The following CUX1 variants were observed in gnomAD, a reference collection of about 807,000 sequenced individuals.
The protein encoded by CUX1 is protein CASP.
Under a neutral mutation model 158.8 loss-of-function variants are expected in CUX1, and 31 were observed. The ratio of observed to expected loss-of-function variants is 0.20; its 90% CI spans 0.15 to 0.26. CUX1 has a LOEUF of 0.26. Ranked by LOEUF, CUX1 falls within the 10% of genes least tolerant of loss-of-function variation. The probability of loss-of-function intolerance (pLI) is 1.00; values close to 1 mark genes in which losing one functional copy is unlikely to be tolerated. For missense variants in CUX1, 1,589 were observed against 2,014.6 expected (o/e 0.79, Z 4.04); for synonymous variants, 879 against 862.1 (o/e 1.02, Z -0.34).
At chr7:102,106,372 G>A (rs553090553) in intron 6 of CUX1, among the ~76,000 whole-genome samples, 1 of 152,290 alleles carries the variant, frequency 6.6e-6, no homozygotes, top group South Asian at 2.1e-4. Flanking sequence ...ACAGGCGTGA[G>A]CCACCGCACC....
At chr7:102,099,411 A>C (rs1554485555) in intron 5 of CUX1, among the ~76,000 whole-genome samples, 1 of 151,842 alleles carries the variant, frequency 6.6e-6, no homozygotes, top group Non-Finnish European at 1.5e-5. Context: ...TTGCAGTAAA[A>C]GGTAACCTGC....
chr7:102,060,396 CTT>C (rs892814408), intron 3 of CUX1, among the ~76,000 whole-genome samples: 18 of 151,828 alleles, frequency 1.2e-4, no homozygotes, highest in Non-Finnish European at 2.4e-4. Context: ...AAGGTGCTGA[CTT>C]TGGATTTATT....
intron 9 of CUX1, among the ~76,000 whole-genome samples, chr7:102,168,908 C>CT (rs1563341626): frequency 1.6e-5 from 2 of 122,000 alleles, no homozygotes; most frequent in African/African-American, 3.5e-5. Flanking sequence ...CTTTTCTTTT[C>CT]TTTTATTTTC....
At chr7:102,233,989 CT>C in intron 21 of CUX1, 62 bp from the exon 22 acceptor site, 1 of 1,318,838 alleles carries the variant, frequency 7.6e-7, no homozygotes, top group Non-Finnish European at 1.0e-6. Context: ...TTGACACGTA[CT>C]TGTCCCTTCA....
Position 102,201,742 on chromosome 7 carries a change from C to T in CUX1, c.2445C>T (p.Gly815=), listed in dbSNP as rs1159042907. ...TGAGACAGGTGAAAAATGAGGTGGG[C>T]CGCAGCGGTGCCTGGAAGGACCACT... is the stretch of plus-strand genomic sequence containing the variant. ...GVLRQVKNEV[G]RSGAWKDHWW... Residue 815 remains glycine, a synonymous_variant, in exon 18 of 24, where the codon GGC becomes GGT. Transcript: ENST00000292535. The surrounding 1 kb of genome is among the most constrained non-coding windows in gnomAD (Gnocchi z 5.0). 2 of 1,612,436 alleles carry T rather than the reference C, an allele frequency of 1.2e-6. No homozygotes were observed. Among genetic ancestry groups the T allele is most frequent in the Non-Finnish European group, 1.7e-6 (2 of 1,179,938 alleles).
chr7:101,840,516 T>A (rs1439511738), intron 1 of CUX1, among the ~76,000 whole-genome samples: 1 of 152,230 alleles, frequency 6.6e-6, no homozygotes, highest in East Asian at 1.9e-4. Context: ...CTTTAGTTTA[T>A]GAATGTGGTA....
At chr7:102,230,903 C>T (rs1330764839) in intron 21 of CUX1, among the ~76,000 whole-genome samples, 2 of 152,140 alleles carry the variant, frequency 1.3e-5, no homozygotes, top group African/African-American at 4.8e-5. Flanking sequence ...CTCTGTTGCC[C>T]AGGCCGGAGT....
At chr7:102,114,182 G>A (rs1336544178) in intron 7 of CUX1, among the ~76,000 whole-genome samples, 3 of 152,210 alleles carry the variant, frequency 2.0e-5, no homozygotes, top group African/African-American at 7.2e-5. Context: ...TCCCATTTAT[G>A]GGGGTAGAAA....
At chr7:102,036,571 G>A (rs935414602) in intron 3 of CUX1, among the ~76,000 whole-genome samples, 6 of 151,704 alleles carry the variant, frequency 4.0e-5, no homozygotes, top group African/African-American at 7.3e-5. Context: ...GTGAAACTTC[G>A]TCTCTACTAA....
At chr7:101,860,689 GTCCTT>G (rs879283294) in intron 1 of CUX1, among the ~76,000 whole-genome samples, 36 of 151,436 alleles carry the variant, frequency 2.4e-4, no homozygotes, top group South Asian at 1.3e-3. Flanking sequence ...GTCCTGTCCT[GTCCTT>G]TCCTTTCCTT....
At chr7:102,154,675 G>A (rs1836068718) in intron 8 of CUX1, among the ~76,000 whole-genome samples, 1 of 152,024 alleles carries the variant, frequency 6.6e-6, no homozygotes, top group Non-Finnish European at 1.5e-5. Flanking sequence ...GATCCAGAAG[G>A]CAGCAAGAAA....
At position 102,209,367 on chromosome 7, in the gene CUX1, C is replaced by A. The variant is rs549574584; in HGVS notation, c.3130+4197C>A. 2.6e-5 allele frequency among the ~76,000 whole-genome samples: 4 copies of A among 152,302 alleles called. No homozygotes were observed. The South Asian group carries it at 8.3e-4, about 32-fold the overall frequency. ...GCTTGGGCATTAAGGAAATTTGATG[C>A]CATTTTTAAGCAGCAGCGTCACTAG... On this transcript the variant is annotated intron_variant, in intron 20 of 23. Transcript: ENST00000292535.
At chr7:102,030,098 G>A (rs534993592) in intron 3 of CUX1, among the ~76,000 whole-genome samples, 37 of 151,100 alleles carry the variant, frequency 2.4e-4, no homozygotes, top group African/African-American at 7.8e-4. Context: ...TGCAACCTCC[G>A]CCTCCTGGAT....
intron 5 of CUX1, among the ~76,000 whole-genome samples, chr7:102,098,037 G>A (rs1289229723): frequency 3.9e-5 from 6 of 152,210 alleles, no homozygotes; most frequent in African/African-American, 1.4e-4. Flanking sequence ...GACAGAGAGG[G>A]CAAAGGTTGC....
chr7:101,827,812 A>G (rs181691686), intron 1 of CUX1, among the ~76,000 whole-genome samples: 2 of 152,294 alleles, frequency 1.3e-5, no homozygotes, highest in East Asian at 3.9e-4. Context: ...ATCAGAATAT[A>G]GAATGGATCA....
Position 102,248,130 on chromosome 7 carries a change from C to CA in CUX1, c.3888-276dup, listed in dbSNP as rs1400767211. 6.6e-6 allele frequency among the ~76,000 whole-genome samples: 1 copy of CA among 152,114 alleles called. No homozygotes were observed. The highest frequency in any genetic ancestry group is 1.5e-5 in the Non-Finnish European group (1 of 68,014). On this transcript the variant is annotated intron_variant, in intron 23 of 23. Coordinates refer to ENST00000292535, the MANE Select transcript of CUX1 (RefSeq NM_181552.4). This position sits in a 1 kb window ranked among gnomAD's most constrained non-coding sequence, Gnocchi z 5.8. Reference sequence around the variant, plus strand: ...GGGCAGCAACAGGGAAATTCTGTCTCAAAAAATAAAAATTAAAATAAGTGC... The same window carrying CA: ...GGGCAGCAACAGGGAAATTCTGTCTCAAAAAAATAAAAATTAAAATAAGTGC...
chr7:101,843,613 CACTT>C (rs1795387757), intron 1 of CUX1, among the ~76,000 whole-genome samples: 1 of 151,324 alleles, frequency 6.6e-6, no homozygotes, highest in African/African-American at 2.4e-5. Flanking sequence ...TTTTTAAATT[CACTT>C]ACTTGTTTCA....
intron 3 of CUX1, among the ~76,000 whole-genome samples, chr7:102,048,568 C>A (rs1370297201): frequency 1.3e-5 from 2 of 152,230 alleles, no homozygotes; most frequent in Admixed American, 1.3e-4. Context: ...ATGGCTCATG[C>A]CTGTAATCCC....
chr7:102,262,292 G>A (rs1051194637), downstream of CUX1, among the ~76,000 whole-genome samples: 3 of 152,128 alleles, frequency 2.0e-5, no homozygotes. Flanking sequence ...TAGCCACTCA[G>A]GAGGCTGAGG....
Sources: gnomAD v4.1 joint callset for allele counts (sites outside exome capture counted in the v4.1 genomes callset) on GRCh38, gnomAD v4.1.1 for gene constraint, Gnocchi (gnomAD v3.1) non-coding constraint, MANE v1.5 for transcripts, NCBI Gene and HGNC (gene_info 2026-07-23, HGNC 2026-07-21) for gene names.